FBXO42: variants seen among roughly 807,000 people sequenced by gnomAD.
FBXO42 encodes F-box protein 42.
FBXO42 carries 12 observed loss-of-function variants against 71.7 expected under a neutral mutation model. The ratio of observed to expected loss-of-function variants is 0.17; its 90% CI spans 0.11 to 0.27. The LOEUF (loss-of-function observed/expected upper bound fraction) is 0.27. FBXO42 is among the 10% of genes least tolerant of loss of function. FBXO42 has a pLI of 1.00. For missense variants in FBXO42, 707 were observed against 911.9 expected, an observed-to-expected ratio of 0.78 and a Z score of 2.89; for synonymous variants, 325 against 327.5, an observed-to-expected ratio of 0.99 and a Z score of 0.08.
At chr1:16,287,185 T>G (rs921261298) in intron 4 of FBXO42, among the ~76,000 whole-genome samples, 8 of 152,226 alleles carry the variant, frequency 5.3e-5, no homozygotes, top group African/African-American at 1.9e-4. Context: ...CAGTATCCCT[T>G]GACTATATCA....
At chr1:16,340,112 C>T (rs1264712409) in intron 1 of FBXO42, among the ~76,000 whole-genome samples, 1 of 151,598 alleles carries the variant, frequency 6.6e-6, no homozygotes, top group Non-Finnish European at 1.5e-5. Context: ...GGATGCGGAG[C>T]TTGCAATGAG....
intron 3 of FBXO42, among the ~76,000 whole-genome samples, chr1:16,303,743 ATTT>A (rs1345234241): frequency 6.6e-6 from 1 of 151,358 alleles, no homozygotes; most frequent in African/African-American, 2.4e-5. Context: ...AATTGTTTAT[ATTT>A]TTATTTTATT....
chr1:16,281,464 CTTT>C (rs908356155), intron 4 of FBXO42, among the ~76,000 whole-genome samples: 1 of 147,734 alleles, frequency 6.8e-6, no homozygotes, highest in Non-Finnish European at 1.5e-5. Flanking sequence ...TTTTCTTTTT[CTTT>C]TTTTGTTTTT....
At chr1:16,334,418 C>CAAAAAAAAAA in intron 1 of FBXO42, among the ~76,000 whole-genome samples, 1 of 52,782 alleles carries the variant, frequency 1.9e-5, no homozygotes, top group Non-Finnish European at 3.9e-5. Context: ...GACTCCGCCT[C>CAAAAAAAAAA]AAAAAAAAAA....
intron 4 of FBXO42, among the ~76,000 whole-genome samples, chr1:16,285,788 T>G (rs1333662865): frequency 2.0e-5 from 3 of 152,194 alleles, no homozygotes; most frequent in African/African-American, 7.2e-5. Context: ...TCTCCTTCCT[T>G]ACTGGGTGCT....
intron 4 of FBXO42, chr1:16,292,545 C>G (rs1286452966): frequency 6.6e-6 from 1 of 152,008 alleles, no homozygotes; most frequent in African/African-American, 2.4e-5. Flanking sequence ...GATCCTTCTG[C>G]CTTGGCCTCC....
At chr1:16,289,199 A>G (rs2082053235) in intron 4 of FBXO42, among the ~76,000 whole-genome samples, 1 of 151,980 alleles carries the variant, frequency 6.6e-6, no homozygotes, top group Non-Finnish European at 1.5e-5. Flanking sequence ...GTTGAAGACC[A>G]GCCCAGGCAA....
intron 1 of FBXO42, among the ~76,000 whole-genome samples, chr1:16,346,935 G>A (rs2082658956): frequency 1.3e-5 from 2 of 150,964 alleles, no homozygotes. Flanking sequence ...AGTAGAGATG[G>A]GGTTTCACCA....
At chr1:16,344,884 A>C (rs1368168426) in intron 1 of FBXO42, among the ~76,000 whole-genome samples, 1 of 151,948 alleles carries the variant, frequency 6.6e-6, no homozygotes, top group East Asian at 1.9e-4. Flanking sequence ...GGATCATCTG[A>C]GGTCAGGAGT....
At chr1:16,292,058 C>A (rs2082084523) in intron 4 of FBXO42, among the ~76,000 whole-genome samples, 1 of 152,170 alleles carries the variant, frequency 6.6e-6, no homozygotes, top group South Asian at 2.1e-4. Context: ...CCTCTAATTG[C>A]AGATTAGGAT....
At chr1:16,273,692 C>A (rs1410246849) in intron 4 of FBXO42, among the ~76,000 whole-genome samples, 2 of 151,850 alleles carry the variant, frequency 1.3e-5, no homozygotes, top group Non-Finnish European at 1.5e-5. Context: ...CCAGCCTGGG[C>A]AACATGATGA....
intron 1 of FBXO42, among the ~76,000 whole-genome samples, chr1:16,346,028 C>T (rs937606532): frequency 6.6e-5 from 10 of 152,182 alleles, no homozygotes; most frequent in Middle Eastern, 3.4e-3. Flanking sequence ...CTTATGCTGG[C>T]CAAATTTCAG....
intron 1 of FBXO42, among the ~76,000 whole-genome samples, chr1:16,317,970 A>G (rs149669874): frequency 8.5e-5 from 13 of 152,178 alleles, no homozygotes; most frequent in African/African-American, 3.1e-4. Context: ...GATTACAATT[A>G]TATCAAGTTC....
intron 1 of FBXO42, among the ~76,000 whole-genome samples, chr1:16,345,284 G>A (rs1033891782): frequency 4.0e-5 from 6 of 151,636 alleles, no homozygotes; most frequent in African/African-American, 4.8e-5. Context: ...TTAGCTGGGC[G>A]TGGTGGAGGA....
chr1:16,344,642 T>C (rs1356591447), intron 1 of FBXO42, among the ~76,000 whole-genome samples: 1 of 152,006 alleles, frequency 6.6e-6, no homozygotes, highest in Non-Finnish European at 1.5e-5. Flanking sequence ...ATCCAGTTGT[T>C]ACATTTTTAA....
rs570645813 is a variant in FBXO42 at position 16,311,554 on chromosome 1, G to C, written c.250+3615C>G. Among the ~76,000 whole-genome samples the C allele has an allele frequency of 1.2e-4, 18 of 145,506 alleles. No homozygotes were observed. The South Asian group carries it at 3.5e-3, about 29-fold the overall frequency. ...CATATGTATATATAAAATAAAAAAT[G>C]GGTCAAAGACCTGAAACAGACACTT... On this transcript the variant is annotated intron_variant, in intron 2 of 9. Transcript: ENST00000375592.
intron 2 of FBXO42, among the ~76,000 whole-genome samples, chr1:16,306,887 C>T (rs2082256684): frequency 6.6e-6 from 1 of 151,942 alleles, no homozygotes. Flanking sequence ...AAATACATAA[C>T]TCAGGAAAGT....
chr1:16,350,760 AG>A (rs1347134274), intron 1 of FBXO42, among the ~76,000 whole-genome samples: 4 of 130,838 alleles, frequency 3.1e-5, no homozygotes, highest in Admixed American at 7.6e-5. Flanking sequence ...AAAAAAAAAA[AG>A]AAAGAAAGAA....
At position 16,352,394 on chromosome 1, in the gene FBXO42, C is replaced by A. The variant is rs899050367; in HGVS notation, c.-157G>T. On this transcript the variant is annotated 5_prime_UTR_variant, in exon 1 of 10. Transcript: ENST00000375592. The stretch of plus-strand genomic sequence containing the variant: ...GGGCTCCTCACAGCTGGCGGGACCC[C>A]GAGCCGCCCGGAGCCGCCATCTTCC... 1.0e-5 allele frequency: 4 copies of A among 399,654 alleles called. No homozygotes were observed. 24.8% of individuals were successfully genotyped at this position (399,654 alleles called of 1,614,324 possible).
Sources: allele counts gnomAD v4.1 joint callset (sites outside exome capture counted in the v4.1 genomes callset), GRCh38; gene constraint gnomAD v4.1.1; transcripts MANE v1.5; gene names NCBI Gene and HGNC (gene_info 2026-07-23, HGNC 2026-07-21).